EVC2: variants seen among roughly 807,000 people sequenced by gnomAD.
EVC2 encodes limbin.
Under a neutral mutation model 149.3 loss-of-function variants are expected in EVC2, and 148 were observed. The ratio of observed to expected loss-of-function variants is 0.99; its 90% CI spans 0.87 to 1.14. The LOEUF (loss-of-function observed/expected upper bound fraction) is 1.14, where lower values mean the gene tolerates loss of function less well. Among genes scored for constraint, EVC2 ranks in the 50% most tolerant of loss-of-function variants. The pLI, the probability that EVC2 is intolerant of heterozygous loss-of-function variation, is 0.00. For missense variants in EVC2, 1,854 were observed against 1,627.3 expected (o/e 1.14, Z -2.40); for synonymous variants, 776 against 649.9 (o/e 1.19, Z -2.95).
chr4:5,608,932 G>A (rs1365290996), intron 16 of EVC2, among the ~76,000 whole-genome samples: 3 of 152,056 alleles, frequency 2.0e-5, no homozygotes, highest in East Asian at 1.9e-4. Flanking sequence ...ACAGAAAGTT[G>A]GGAAAAGGGT....
At chr4:5,646,661 G>A (rs1717743315) in intron 9 of EVC2, among the ~76,000 whole-genome samples, 1 of 152,144 alleles carries the variant, frequency 6.6e-6, no homozygotes, top group South Asian at 2.1e-4. Flanking sequence ...AACCTTCAAT[G>A]GTGAATAATG....
At chr4:5,550,996 T>C (rs1721725021) in intron 21 of EVC2, among the ~76,000 whole-genome samples, 1 of 152,210 alleles carries the variant, frequency 6.6e-6, no homozygotes, top group African/African-American at 2.4e-5. Context: ...TCTGCCTAGA[T>C]TTCAGAAATT....
downstream of EVC2, among the ~76,000 whole-genome samples, chr4:5,541,333 A>C (rs1423036430): frequency 6.6e-6 from 1 of 152,160 alleles, no homozygotes; most frequent in East Asian, 1.9e-4. Flanking sequence ...TGCAGACAAT[A>C]AACACCCATC....
At chr4:5,672,506 G>T (rs1254477288) in intron 7 of EVC2, among the ~76,000 whole-genome samples, 1 of 152,196 alleles carries the variant, frequency 6.6e-6, no homozygotes, top group Non-Finnish European at 1.5e-5. Flanking sequence ...GAGGCTGCAG[G>T]AGGCAACGGG....
At chr4:5,653,764 T>C (rs1416026364) in intron 9 of EVC2, among the ~76,000 whole-genome samples, 1 of 152,170 alleles carries the variant, frequency 6.6e-6, no homozygotes, top group South Asian at 2.1e-4. Context: ...TCTCTCAATG[T>C]TTCTATAAAT....
At chr4:5,596,099 G>C (rs1713385224) in intron 16 of EVC2, among the ~76,000 whole-genome samples, 1 of 152,154 alleles carries the variant, frequency 6.6e-6, no homozygotes, top group Non-Finnish European at 1.5e-5. Context: ...AAGAGACTTA[G>C]ACTCCCACAC....
At chr4:5,542,994 C>T in intron 22 of EVC2, 1 of 475,384 alleles carries the variant, frequency 2.1e-6, no homozygotes, top group African/African-American at 2.0e-5. Flanking sequence ...CCCCTCCACC[C>T]ACACTGTTAA....
chr4:5,605,414 G>A (rs1714308831), intron 16 of EVC2, among the ~76,000 whole-genome samples: 1 of 152,162 alleles, frequency 6.6e-6, no homozygotes, highest in African/African-American at 2.4e-5. Flanking sequence ...GGCTCCACCC[G>A]TGATGTGTGA....
At chr4:5,700,465 CAT>C (rs1053459774) in intron 1 of EVC2, among the ~76,000 whole-genome samples, 36 of 152,298 alleles carry the variant, frequency 2.4e-4, no homozygotes, top group Non-Finnish European at 2.8e-4. Flanking sequence ...CTAGGGATCA[CAT>C]GTCAGGCAAA....
In EVC2 at chr4:5,694,476, C is replaced by T. The variant is rs772991744; in HGVS notation, c.309G>A (p.Leu103=). 14 of 1,614,036 alleles carry T rather than the reference C, an allele frequency of 8.7e-6. No homozygotes were observed. The African/African-American group carries it at 1.3e-4, about 15-fold the overall frequency. The stretch of plus-strand genomic sequence containing the variant: ...GGATGAAGACTTCCATTTTCTTGTC[C>T]AATTTCATTCCAAGTGGTGCTTCCA... ...TAVEAPLGMK[L]DKKMEVFIPL... The change falls in exon 3 of 22, where the codon TTG becomes TTA. Residue 103 remains leucine, a synonymous_variant. Coordinates refer to ENST00000344408, the MANE Select transcript of EVC2 (RefSeq NM_147127.5).
intron 9 of EVC2, among the ~76,000 whole-genome samples, chr4:5,654,040 C>G (rs1476223338): frequency 6.6e-6 from 1 of 152,128 alleles, no homozygotes; most frequent in Non-Finnish European, 1.5e-5. Context: ...ATGGTGAAAC[C>G]CCGTCTCTAC....
chr4:5,576,177 T>C lies in EVC2; in HGVS notation c.3272+63A>G, dbSNP rs1722912575. ...GGGTATGGGTGGGCTGAGTTGGAGA[T>C]GCCAGGTTCTCCAGGACTGCTGGGG... is the stretch of plus-strand genomic sequence containing the variant. On this transcript the variant is annotated intron_variant, in intron 18 of 21. Coordinates refer to ENST00000344408, the MANE Select transcript of EVC2 (RefSeq NM_147127.5). The surrounding 1 kb of genome is among the most constrained non-coding windows in gnomAD (Gnocchi z 4.5). The C allele has an allele frequency of 1.9e-6, 3 of 1,612,800 alleles. No homozygotes were observed. The African/African-American group carries it at 4.0e-5, about 22-fold the overall frequency.
intron 21 of EVC2, among the ~76,000 whole-genome samples, chr4:5,556,476 T>C (rs963062179): frequency 7.9e-5 from 12 of 151,952 alleles, no homozygotes; most frequent in Non-Finnish European, 1.3e-4. Context: ...TAAATGCATA[T>C]ATTAAAAAAG....
upstream of EVC2, chr4:5,709,286 A>T (rs542882755): frequency 2.2e-4 from 34 of 152,444 alleles, 1 homozygote; most frequent in African/African-American, 7.9e-4. Context: ...AGAAAGACAC[A>T]AAAAGGGGGA....
chr4:5,646,504 T>C (rs1717728207), intron 9 of EVC2, among the ~76,000 whole-genome samples: 1 of 152,202 alleles, frequency 6.6e-6, no homozygotes, highest in South Asian at 2.1e-4. Context: ...ACATTGTCTA[T>C]CATTTCTTCT....
At chr4:5,626,491 G>GC (rs199887838) in intron 12 of EVC2, among the ~76,000 whole-genome samples, 5,312 of 151,938 alleles carry the variant, frequency 0.035, 242 homozygotes, top group African/African-American at 0.11. Flanking sequence ...GTGCCACCAC[G>GC]CCAGCTAATT....
At chr4:5,550,013 A>G (rs1466041113) in intron 21 of EVC2, among the ~76,000 whole-genome samples, 2 of 152,182 alleles carry the variant, frequency 1.3e-5, no homozygotes, top group African/African-American at 4.8e-5. Flanking sequence ...GCTTTCTGCC[A>G]TGATTGTGAA....
At chr4:5,685,836 C>A (rs1720668184) in intron 5 of EVC2, among the ~76,000 whole-genome samples, 1 of 152,164 alleles carries the variant, frequency 6.6e-6, no homozygotes, top group Non-Finnish European at 1.5e-5. Context: ...TGTGCTCAGC[C>A]CATCCTGCTC....
chr4:5,703,000 T>C (rs1334894993), intron 1 of EVC2, among the ~76,000 whole-genome samples: 2 of 152,252 alleles, frequency 1.3e-5, no homozygotes, highest in Non-Finnish European at 2.9e-5. Flanking sequence ...ATTGTTATTA[T>C]TGCCATTATT....
Sources: gnomAD v4.1 joint callset for allele counts (sites outside exome capture counted in the v4.1 genomes callset) on GRCh38, gnomAD v4.1.1 for gene constraint, Gnocchi (gnomAD v3.1) non-coding constraint, MANE v1.5 for transcripts, NCBI Gene and HGNC (gene_info 2026-07-23, HGNC 2026-07-21) for gene names.